BBOF1: variants seen among roughly 807,000 people sequenced by gnomAD.
BBOF1 encodes the protein basal body-orientation factor 1.
In BBOF1, 62 loss-of-function variants were observed where a neutral mutation model predicts 68.0. The observed-to-expected ratio is 0.91, with a 90% CI of 0.74 to 1.13. The LOEUF is 1.13. Among genes scored for constraint, BBOF1 ranks in the 50% most tolerant of loss-of-function variants. The pLI, the probability that BBOF1 is intolerant of heterozygous loss-of-function variation, is 0.00. For synonymous variants in BBOF1, 208 were observed against 198.8 expected (o/e 1.05, Z -0.39); for missense variants, 534 against 600.1 (o/e 0.89, Z 1.15).
chr14:74,072,150 ACAAACATGCC>A (rs973455139), intron 9 of BBOF1: 54 of 1,613,122 alleles, frequency 3.3e-5, no homozygotes, highest in Non-Finnish European at 9.3e-6. Context: ...TGTGAGAGTG[ACAAACATGCC>A]CTAGGTGACA....
At position 74,021,588 on chromosome 14, in the gene BBOF1, C is replaced by CAA. The variant is rs111912208; in HGVS notation, c.57-1314_57-1313dup. Reference sequence around the variant, plus strand: ...TGGATGACAGAGCAAGATCTTGTTTCAAAAAAAAAAAAAAAGTCCGGTGAA... The same window carrying CAA: ...TGGATGACAGAGCAAGATCTTGTTTCAAAAAAAAAAAAAAAAAGTCCGGTGAA... On this transcript the variant is annotated intron_variant, in intron 1 of 11. Transcript: ENST00000394009. Among the ~76,000 whole-genome samples the CAA allele has an allele frequency of 3.5e-3, 413 of 117,692 alleles. 2 individuals are homozygous for CAA. Among genetic ancestry groups the CAA allele is most frequent in the Non-Finnish European group, 6.2e-3 (341 of 55,050 alleles). The allele number at this position is 117,692 out of a possible 152,430, so 77.2% of individuals were successfully genotyped here.
chr14:74,079,393 T>A (rs2139814841), intron 10 of BBOF1, among the ~76,000 whole-genome samples: 1 of 151,632 alleles, frequency 6.6e-6, no homozygotes, highest in South Asian at 2.1e-4. Context: ...ATTACAGGCA[T>A]ATGCCACCAC....
At chr14:74,078,832 T>C (rs767376051) in intron 10 of BBOF1, among the ~76,000 whole-genome samples, 5 of 150,892 alleles carry the variant, frequency 3.3e-5, no homozygotes, top group Non-Finnish European at 5.9e-5. Context: ...CCTGGCCACA[T>C]TTTTGTATTT....
In BBOF1 at chr14:74,065,029, C is replaced by T; in HGVS notation, c.*330C>T. The T allele has an allele frequency of 7.3e-7, 1 of 1,374,002 alleles. No homozygotes were observed. The highest frequency in any genetic ancestry group is 1.2e-5 in the South Asian group (1 of 82,328). The allele number at this position is 1,374,002 out of a possible 1,614,324, so 85.1% of individuals were successfully genotyped here. ...AAATACCCACCTTCTACCCTATCCT[C>T]TACCCCATGAACTTTCATTCCTGAG... On this transcript the variant is annotated 3_prime_UTR_variant, in exon 12 of 12. Transcript: ENST00000394009.
intron 4 of BBOF1, among the ~76,000 whole-genome samples, chr14:74,038,849 C>T (rs1333183818): frequency 6.6e-6 from 1 of 151,814 alleles, no homozygotes; most frequent in African/African-American, 2.4e-5. Context: ...ACAAAAAAAT[C>T]ACTTCACTCC....
intron 9 of BBOF1, chr14:74,071,432 T>C: frequency 1.2e-6 from 2 of 1,614,186 alleles, no homozygotes; most frequent in Non-Finnish European, 8.5e-7. Context: ...TCCATGTCTT[T>C]GGTGATGGAT....
chr14:74,034,250 C>G, intron 4 of BBOF1, 79 bp downstream of exon 4: 1 of 937,374 alleles, frequency 1.1e-6, no homozygotes, highest in Non-Finnish European at 1.5e-6. Context: ...CAAACATTTA[C>G]TCCTGTGAGA....
Position 74,049,922 on chromosome 14 carries a change from A to T in BBOF1, c.1013A>T (p.Lys338Met). 1 of 1,614,228 alleles carries T rather than the reference A, an allele frequency of 6.2e-7. No homozygotes were observed. The highest frequency in any genetic ancestry group is 8.5e-7 in the Non-Finnish European group (1 of 1,180,046). The part of the protein sequence containing the change: ...IDKLQHLLQM[K>M]DREMNRVKKL... ...AAGCTGCAGCACCTTCTTCAGATGA[A>T]GGACAGGGAAATGAATCGTGTGAAG... The change falls in exon 8 of 12, where the codon AAG becomes ATG. Residue 338 changes from lysine to methionine, a missense_variant. Lys to Met is a moderately conservative substitution (Grantham distance 95). Transcript: ENST00000394009.
At chr14:74,071,651 A>G in intron 9 of BBOF1, 1 of 1,538,618 alleles carries the variant, frequency 6.5e-7, no homozygotes, top group Middle Eastern at 2.3e-4. Context: ...TTTGTGCAAA[A>G]TGAGATTCTC....
chr14:74,028,670 CT>C (rs1185447157), intron 2 of BBOF1, among the ~76,000 whole-genome samples: 3 of 151,436 alleles, frequency 2.0e-5, no homozygotes, highest in Admixed American at 6.6e-5. Context: ...GAGCCCATGA[CT>C]TTGAGACCAG....
intron 8 of BBOF1, among the ~76,000 whole-genome samples, chr14:74,054,532 C>T (rs1313629072): frequency 1.3e-5 from 2 of 151,690 alleles, no homozygotes; most frequent in East Asian, 1.9e-4. Flanking sequence ...GTGCCCACCA[C>T]CATGCCCAGC....
At chr14:74,067,081 G>T (rs2060478823), downstream of BBOF1, among the ~76,000 whole-genome samples, 2 of 152,120 alleles carry the variant, frequency 1.3e-5, no homozygotes, top group Admixed American at 1.3e-4. Context: ...CCAGGTGGTG[G>T]CCCGCACCTG....
At position 74,055,683 on chromosome 14, in the gene BBOF1, T is replaced by C. The variant is rs1162199131; in HGVS notation, c.1386T>C (p.Ser462=). 6.2e-7 allele frequency: 1 copy of C among 1,609,000 alleles called. No individual in the cohort carries two copies. Among genetic ancestry groups the C allele is most frequent in the Admixed American group, 1.7e-5 (1 of 59,894 alleles). ...LLFAKMNGCP[S]RKYNQSSRPP... ...TTGCAAAAATGAATGGCTGTCCTTC[T>C]AGGTAACTCCCTATTTCTGCAGTGA... is the stretch of plus-strand genomic sequence containing the variant. Residue 462 remains serine (S), a splice_region_variant and synonymous_variant, in exon 9 of 12, where the codon TCT becomes TCC. Coordinates refer to ENST00000394009, the MANE Select transcript of BBOF1 (RefSeq NM_025057.3).
intron 4 of BBOF1, 33 bp from the exon 5 acceptor site, chr14:74,040,532 A>G: frequency 7.3e-7 from 1 of 1,370,196 alleles, no homozygotes; most frequent in South Asian, 1.3e-5. Context: ...TTTTCTATTG[A>G]TCATTTTTGT....
intron 2 of BBOF1, among the ~76,000 whole-genome samples, chr14:74,023,902 C>T (rs1273889244): frequency 3.7e-5 from 5 of 134,746 alleles, no homozygotes; most frequent in Non-Finnish European, 7.6e-5. Flanking sequence ...GCAGCCTGGG[C>T]GACAGAGCGA....
At chr14:74,036,044 T>A (rs1227740398) in intron 4 of BBOF1, among the ~76,000 whole-genome samples, 1 of 151,844 alleles carries the variant, frequency 6.6e-6, no homozygotes, top group Non-Finnish European at 1.5e-5. Context: ...ACAGGAATAC[T>A]TTTAAAATAT....
chr14:74,067,267 G>T, downstream of BBOF1: 1 of 1,247,444 alleles, frequency 8.0e-7, no homozygotes, highest in Non-Finnish European at 1.2e-6. Context: ...TATAAAGAGA[G>T]GAAATGGCAA....
chr14:74,034,070 T>C lies in BBOF1; in HGVS notation c.394T>C (p.Phe132Leu). Residue 132 changes from phenylalanine to leucine, a missense_variant, in exon 4 of 12, where the codon TTC (phenylalanine) becomes CTC (leucine). Transcript: ENST00000394009. ...TRQINELEGQFHQKAKEIGMI... is the reference protein window; with the variant it reads ...TRQINELEGQLHQKAKEIGMI... ...GCAAATTAATGAACTAGAGGGACAG[T>C]TCCATCAAAAAGCCAAAGAAATTGG... 1 of 1,608,206 alleles carries C rather than the reference T, an allele frequency of 6.2e-7. No individual in the cohort carries two copies.
At chr14:74,025,747 T>G (rs1343379179) in intron 2 of BBOF1, among the ~76,000 whole-genome samples, 2 of 152,162 alleles carry the variant, frequency 1.3e-5, no homozygotes, top group Admixed American at 6.6e-5. Context: ...AAGTCTTTAG[T>G]TTAAAAAGCT....
Sources: allele counts gnomAD v4.1 joint callset (sites outside exome capture counted in the v4.1 genomes callset), GRCh38; gene constraint gnomAD v4.1.1; transcripts MANE v1.5; gene names NCBI Gene and HGNC (gene_info 2026-07-23, HGNC 2026-07-21).